Variants in GALNT3 observed in about 807,000 individuals in gnomAD.
The protein encoded by GALNT3 is GalNAc transferase 3.
Under a neutral mutation model 69.8 loss-of-function variants are expected in GALNT3, and 51 were observed. The ratio of observed to expected loss-of-function variants is 0.73; its 90% confidence interval spans 0.58 to 0.92. GALNT3 has a LOEUF of 0.92. GALNT3 is among the 40% of genes least tolerant of loss of function. The pLI is 0.00. For missense variants in GALNT3, 711 were observed against 760.0 expected, an observed-to-expected ratio of 0.94 and a Z score of 0.76; for synonymous variants, 265 against 248.5, an observed-to-expected ratio of 1.07 and a Z score of -0.63.
chr2:165,767,471 T>C (rs111493565), intron 2 of GALNT3, among the ~76,000 whole-genome samples: 62 of 152,220 alleles, frequency 4.1e-4, no homozygotes, highest in Admixed American at 5.2e-4. Context: ...ACTTTAATCT[T>C]GCAAGATTTT....
chr2:165,770,641 G>C lies in GALNT3; in HGVS notation c.60C>G (p.Phe20Leu). The C allele has an allele frequency of 6.2e-7, 1 of 1,601,340 alleles. No individual in the cohort carries two copies. The highest frequency in any genetic ancestry group is 1.7e-5 in the Admixed American group (1 of 58,040). Residue 20 changes from phenylalanine (F) to leucine (L), a missense_variant, in exon 2 of 11, where the codon TTC becomes TTG. By Grantham distance (22) the Phe-to-Leu change is conservative. Transcript: ENST00000392701. ...LHIKRHYHKK[F>L]WKLGAVIFFF... is the part of the protein sequence containing the mutation. Reference sequence around the variant, plus strand: ...AAAAAATTACTGCACCAAGCTTCCAGAACTTTTTATGGTAATGTCTTTTAA... The same window carrying C: ...AAAAAATTACTGCACCAAGCTTCCACAACTTTTTATGGTAATGTCTTTTAA...
At chr2:165,759,235 A>G in intron 5 of GALNT3, 101 bp downstream of exon 5, 1 of 909,650 alleles carries the variant, frequency 1.1e-6, no homozygotes, top group Non-Finnish European at 1.8e-6. Context: ...TGTGTTCTTT[A>G]TCAATTACCT....
At chr2:165,790,869 A>T (rs1683333301) in intron 1 of GALNT3, among the ~76,000 whole-genome samples, 1 of 152,184 alleles carries the variant, frequency 6.6e-6, no homozygotes, top group South Asian at 2.1e-4. Context: ...CAGAATATAA[A>T]CCAAATAATA....
rs372945620 is a variant in GALNT3 at position 165,754,438 on chromosome 2, T to A, written c.1626+189A>T. 1.0e-4 allele frequency among the ~76,000 whole-genome samples: 14 copies of A among 137,372 alleles called. No individual in the cohort carries two copies. The East Asian group carries it at 2.3e-3, about 23-fold the overall frequency. 90.1% of individuals were successfully genotyped at this position (137,372 alleles called of 152,430 possible). A position where few individuals can be genotyped will look rare whatever the true frequency, so the allele number is the denominator to read the frequency against. ...TTTTTAATGGTTAAGCTACTCAAATTGTTTTCAGAGCCAGAGTAAAAACCA... is the reference window on the plus strand; with the variant it reads ...TTTTTAATGGTTAAGCTACTCAAATAGTTTTCAGAGCCAGAGTAAAAACCA... On this transcript the variant is annotated intron_variant, in intron 9 of 10. Coordinates refer to ENST00000392701, the MANE Select transcript of GALNT3 (RefSeq NM_004482.4).
intron 9 of GALNT3, among the ~76,000 whole-genome samples, chr2:165,750,402 G>A (rs1431674169): frequency 1.3e-5 from 2 of 152,142 alleles, no homozygotes; most frequent in African/African-American, 4.8e-5. Context: ...TTAGAACAAT[G>A]ACTGGCACAC....
Position 165,748,617 on chromosome 2 carries a change from A to G in GALNT3, c.*164T>C. The G allele has an allele frequency of 1.6e-6, 1 of 638,490 alleles. No homozygotes were observed. Among genetic ancestry groups the G allele is most frequent in the East Asian group, 2.8e-5 (1 of 36,076 alleles). 39.6% of individuals were successfully genotyped at this position (638,490 alleles called of 1,614,324 possible). On this transcript the variant is annotated 3_prime_UTR_variant, in exon 11 of 11. Coordinates refer to ENST00000392701, the MANE Select transcript of GALNT3 (RefSeq NM_004482.4). The stretch of plus-strand genomic sequence containing the variant: ...ATTGTGCTTTGAAACAGAAACTTGC[A>G]GAATTTCTGTAGTAGTGCTACATAA...
At chr2:165,770,136 C>T (rs772760360) in intron 2 of GALNT3, 50 bp downstream of exon 2, 1 of 1,609,336 alleles carries the variant, frequency 6.2e-7, no homozygotes, top group South Asian at 1.1e-5. Context: ...CCCTCTCTCC[C>T]CTGCAAAGCC....
chr2:165,788,054 C>T (rs1259537407), intron 1 of GALNT3, among the ~76,000 whole-genome samples: 46 of 152,046 alleles, frequency 3.0e-4, no homozygotes, highest in Non-Finnish European at 4.4e-5. Context: ...TTGGGCCAGG[C>T]GCGGTGGCTC....
intron 2 of GALNT3, among the ~76,000 whole-genome samples, chr2:165,766,416 A>G (rs1276923250): frequency 6.6e-6 from 1 of 152,164 alleles, no homozygotes; most frequent in African/African-American, 2.4e-5. Context: ...TCTTTCCTCA[A>G]TGAAAAATAT....
intron 1 of GALNT3, among the ~76,000 whole-genome samples, chr2:165,782,470 C>G (rs916896700): frequency 1.5e-4 from 23 of 152,046 alleles, no homozygotes; most frequent in African/African-American, 5.5e-4. Flanking sequence ...CATCCAGGGT[C>G]GCATGTGGCC....
At chr2:165,762,585 G>A (rs926020519) in intron 3 of GALNT3, among the ~76,000 whole-genome samples, 1 of 152,174 alleles carries the variant, frequency 6.6e-6, no homozygotes, top group African/African-American at 2.4e-5. Context: ...AGTTTGGGAC[G>A]ATTCCTACAC....
chr2:165,762,617 G>A (rs1429027919), intron 3 of GALNT3, among the ~76,000 whole-genome samples: 1 of 152,154 alleles, frequency 6.6e-6, no homozygotes, highest in Non-Finnish European at 1.5e-5. Context: ...AAAAATTTGC[G>A]AAAGCTTTGG....
chr2:165,769,328 C>G (rs1347047127), intron 2 of GALNT3, among the ~76,000 whole-genome samples: 1 of 147,966 alleles, frequency 6.8e-6, no homozygotes, highest in Non-Finnish European at 1.5e-5. Context: ...ATCGCTTGAA[C>G]CCAGGAGGCA....
intron 1 of GALNT3, among the ~76,000 whole-genome samples, chr2:165,788,466 GGTGTGTGTGTGTGTGTGTGTGTGTGT>G (rs148293638): frequency 7.2e-6 from 1 of 139,530 alleles, no homozygotes; most frequent in South Asian, 2.4e-4. Flanking sequence ...AATCCAAAAG[GGTGTGTGTGTGTGTGTGTGTGTGTGT>G]GTGTGTGTGT....
intron 1 of GALNT3, among the ~76,000 whole-genome samples, chr2:165,791,105 G>C (rs1683337741): frequency 6.6e-6 from 1 of 152,114 alleles, no homozygotes. Flanking sequence ...TATGTATAAT[G>C]AACAAGGTTT....
chr2:165,767,776 GT>G (rs1433842885), intron 2 of GALNT3, among the ~76,000 whole-genome samples: 4 of 151,518 alleles, frequency 2.6e-5, no homozygotes, highest in African/African-American at 9.7e-5. Context: ...GAGAAACTAG[GT>G]CTATATTTCT....
rs1462366397 is a variant in GALNT3 at position 165,748,474 on chromosome 2, TC to T, written c.*306del. On this transcript the variant is annotated 3_prime_UTR_variant, in exon 11 of 11. Coordinates refer to ENST00000392701, the MANE Select transcript of GALNT3 (RefSeq NM_004482.4). ...GTGTGAATGTAGCTATATATATATA[TC>T]CCTAAGTGTACAAAACACACAAACA... is the stretch of plus-strand genomic sequence containing the variant. The T allele has an allele frequency of 4.9e-6, 2 of 405,298 alleles. No homozygotes were observed. The highest frequency in any genetic ancestry group is 9.1e-6 in the Non-Finnish European group (2 of 219,452). The allele number at this position is 405,298 out of a possible 1,614,324, so 25.1% of individuals were successfully genotyped here.
At chr2:165,767,268 GAAAA>G (rs921947666) in intron 2 of GALNT3, among the ~76,000 whole-genome samples, 1 of 144,694 alleles carries the variant, frequency 6.9e-6, no homozygotes, top group African/African-American at 2.5e-5. Context: ...TATTTTTAAA[GAAAA>G]AAAAAAGAGG....
intron 2 of GALNT3, among the ~76,000 whole-genome samples, chr2:165,769,904 A>G (rs1330759476): frequency 6.6e-6 from 1 of 152,200 alleles, no homozygotes; most frequent in African/African-American, 2.4e-5. Flanking sequence ...CACAGTATTT[A>G]GGAATAAAGA....
Sources: allele counts gnomAD v4.1 joint callset (sites outside exome capture counted in the v4.1 genomes callset), GRCh38; gene constraint gnomAD v4.1.1; transcripts MANE v1.5; gene names NCBI Gene and HGNC (gene_info 2026-07-23, HGNC 2026-07-21).